RAD51B: variants seen among roughly 807,000 people sequenced by gnomAD.
The protein encoded by RAD51B is DNA repair protein RAD51 homolog 2.
RAD51B carries 38 observed loss-of-function variants against 42.2 expected under a neutral mutation model. The ratio of observed to expected loss-of-function variants is 0.90; its 90% CI spans 0.70 to 1.18. The LOEUF is 1.18. Among genes scored for constraint, RAD51B ranks in the 50% most tolerant of loss-of-function variants. The pLI, the probability that RAD51B is intolerant of heterozygous loss-of-function variation, is 0.00. For synonymous variants in RAD51B, 154 were observed against 145.2 expected, an observed-to-expected ratio of 1.06 and a Z score of -0.43; for missense variants, 373 against 400.7, an observed-to-expected ratio of 0.93 and a Z score of 0.59.
chr14:68,409,360 G>A (rs1470811834), intron 8 of RAD51B, among the ~76,000 whole-genome samples: 1 of 152,170 alleles, frequency 6.6e-6, no homozygotes, highest in African/African-American at 2.4e-5. Context: ...CTTAGTGGGG[G>A]TGAAGAAGTT....
chr14:67,831,237 A>G (rs541416113), intron 3 of RAD51B, among the ~76,000 whole-genome samples: 81 of 152,262 alleles, frequency 5.3e-4, no homozygotes, highest in Admixed American at 1.7e-3. Flanking sequence ...AGGCAGTTAA[A>G]TATATGGACC....
intron 7 of RAD51B, among the ~76,000 whole-genome samples, chr14:68,181,505 G>C (rs1471485773): frequency 6.6e-6 from 1 of 152,146 alleles, no homozygotes; most frequent in Non-Finnish European, 1.5e-5. Flanking sequence ...TCATTTTTCT[G>C]CCCACATTTG....
chr14:67,973,076 G>A (rs2074928353), intron 7 of RAD51B, among the ~76,000 whole-genome samples: 1 of 152,082 alleles, frequency 6.6e-6, no homozygotes, highest in Non-Finnish European at 1.5e-5. Context: ...TGATGACAAT[G>A]TAATTGGCCA....
At chr14:68,151,822 ACTTTTTTTTTTTT>A (rs2078390653) in intron 7 of RAD51B, among the ~76,000 whole-genome samples, 3 of 110,416 alleles carry the variant, frequency 2.7e-5, no homozygotes, top group African/African-American at 7.3e-5. Context: ...AGTTATAAAG[ACTTTTTTTTTTTT>A]TTTTTTTTTT....
chr14:68,473,605 A>G (rs575387794), intron 10 of RAD51B, among the ~76,000 whole-genome samples: 2 of 152,272 alleles, frequency 1.3e-5, no homozygotes, highest in East Asian at 1.9e-4. Flanking sequence ...ATTTTATAAT[A>G]TATGAAAAAA....
intron 7 of RAD51B, among the ~76,000 whole-genome samples, chr14:67,956,693 A>G (rs1413173344): frequency 6.6e-6 from 1 of 152,248 alleles, no homozygotes; most frequent in Non-Finnish European, 1.5e-5. Context: ...CAAGTCATGC[A>G]TAATATCTTA....
At chr14:68,435,127 C>G (rs906368173) in intron 9 of RAD51B, among the ~76,000 whole-genome samples, 1 of 152,118 alleles carries the variant, frequency 6.6e-6, no homozygotes, top group Non-Finnish European at 1.5e-5. Context: ...TCCCATCACC[C>G]GGGTAGTAAG....
intron 9 of RAD51B, among the ~76,000 whole-genome samples, chr14:68,440,542 C>T (rs578168178): frequency 3.9e-5 from 6 of 152,164 alleles, no homozygotes; most frequent in African/African-American, 1.4e-4. Context: ...GTCACGAGTT[C>T]GAGACCAGCC....
chr14:68,075,337 A>G (rs1174528151), intron 7 of RAD51B, among the ~76,000 whole-genome samples: 2 of 152,240 alleles, frequency 1.3e-5, no homozygotes, highest in East Asian at 3.9e-4. Context: ...CAGCAAGGGT[A>G]GTACCACTGC....
intron 7 of RAD51B, among the ~76,000 whole-genome samples, chr14:68,028,412 G>C (rs1215136574): frequency 6.6e-6 from 1 of 152,174 alleles, no homozygotes; most frequent in East Asian, 1.9e-4. Context: ...ACCTTGCAGA[G>C]GGATGCATGC....
intron 8 of RAD51B, among the ~76,000 whole-genome samples, chr14:68,359,297 C>T (rs767228815): frequency 4.7e-4 from 71 of 152,206 alleles, no homozygotes; most frequent in Non-Finnish European, 6.6e-4. Context: ...CCCTTCCATC[C>T]GCCCAGAGCC....
intron 11 of RAD51B, among the ~76,000 whole-genome samples, chr14:68,673,602 TGC>T (rs1881932981): frequency 8.4e-6 from 1 of 118,366 alleles, no homozygotes; most frequent in Non-Finnish European, 1.7e-5. Context: ...CATATGTACA[TGC>T]ACACACACAC....
intron 7 of RAD51B, among the ~76,000 whole-genome samples, chr14:68,263,682 T>G (rs2080930735): frequency 6.6e-6 from 1 of 152,244 alleles, no homozygotes; most frequent in Non-Finnish European, 1.5e-5. Context: ...TGTCAGACTT[T>G]CAATTCGGAA....
At chr14:67,937,541 A>G (rs1026060220) in intron 7 of RAD51B, among the ~76,000 whole-genome samples, 7 of 152,324 alleles carry the variant, frequency 4.6e-5, no homozygotes, top group African/African-American at 1.7e-4. Context: ...GTATAGTGGG[A>G]GTAACCCATT....
intron 4 of RAD51B, among the ~76,000 whole-genome samples, chr14:67,846,540 AGTCAGTG>A (rs1422356860): frequency 2.0e-5 from 3 of 152,124 alleles, no homozygotes; most frequent in African/African-American, 7.2e-5. Flanking sequence ...AGGAGGCTGC[AGTCAGTG>A]GTGGTCTGGT....
chr14:68,639,806 T>C (rs1892418438), intron 10 of RAD51B, among the ~76,000 whole-genome samples: 1 of 152,168 alleles, frequency 6.6e-6, no homozygotes, highest in Non-Finnish European at 1.5e-5. Context: ...TTTTGTTTTT[T>C]TGAGTCAGAG....
intron 7 of RAD51B, among the ~76,000 whole-genome samples, chr14:67,897,915 G>C (rs1446488533): frequency 6.6e-6 from 1 of 152,176 alleles, no homozygotes; most frequent in Non-Finnish European, 1.5e-5. Context: ...GCCTCCCAAA[G>C]TGCTGGGATT....
chr14:68,673,868 C>T (rs913621455), intron 11 of RAD51B, among the ~76,000 whole-genome samples: 3 of 96,312 alleles, frequency 3.1e-5, no homozygotes, highest in Non-Finnish European at 6.1e-5. Context: ...TACATGTACA[C>T]ATACTGTGCA....
intron 10 of RAD51B, among the ~76,000 whole-genome samples, chr14:68,556,391 G>A (rs575701604): frequency 1.7e-4 from 26 of 152,292 alleles, no homozygotes; most frequent in East Asian, 3.9e-4. Flanking sequence ...TGTCTGAAGC[G>A]TCCTCAGCAT....
Sources: gnomAD v4.1 joint callset for allele counts (sites outside exome capture counted in the v4.1 genomes callset) on GRCh38, gnomAD v4.1.1 for gene constraint, MANE v1.5 for transcripts, NCBI Gene and HGNC (gene_info 2026-07-23, HGNC 2026-07-21) for gene names.